Variants in PEX7 observed in about 807,000 individuals in gnomAD.
PEX7 encodes PTS2 receptor.
In PEX7, 34 loss-of-function variants were observed where a neutral mutation model predicts 47.5. That is an observed-to-expected ratio of 0.72 (90% confidence interval 0.54 to 0.95). The LOEUF is 0.95. PEX7 is among the 40% of genes least tolerant of loss of function. The probability of loss-of-function intolerance (pLI) is 0.00; values close to 1 mark genes in which losing one functional copy is unlikely to be tolerated. For synonymous variants in PEX7, 141 were observed against 148.8 expected (o/e 0.95, Z 0.38); for missense variants, 394 against 400.3 (o/e 0.98, Z 0.13).
In PEX7 at chr6:136,872,261, GGT is replaced by G. The variant is rs2115229196; in HGVS notation, c.803+9_803+10del. On this transcript the variant is annotated intron_variant, in intron 8 of 9. Coordinates refer to ENST00000318471, the MANE Select transcript of PEX7 (RefSeq NM_000288.4). ...GTATGATTTTACTGTAAGGTACAGTGGTTTTTAATACATTTCATTGTGAAATA... is the reference window on the plus strand; with the variant it reads ...GTATGATTTTACTGTAAGGTACAGTGTTTTAATACATTTCATTGTGAAATA... 1.9e-6 allele frequency: 3 copies of G among 1,603,426 alleles called. No homozygotes were observed. The East Asian group carries it at 6.7e-5, about 36-fold the overall frequency.
chr6:136,855,379 C>A (rs1273564722), intron 5 of PEX7, among the ~76,000 whole-genome samples: 1 of 149,540 alleles, frequency 6.7e-6, no homozygotes, highest in Non-Finnish European at 1.5e-5. Flanking sequence ...AGTCTCTGTC[C>A]CCCAGGCTGG....
In PEX7 at chr6:136,911,682, C is replaced by T. The variant is rs544114404; in HGVS notation, c.904-1776C>T. Among the ~76,000 whole-genome samples the T allele has an allele frequency of 1.2e-3, 187 of 150,290 alleles. 2 individuals are homozygous for T. Among genetic ancestry groups the T allele is most frequent in the African/African-American group, 4.3e-3 (175 of 40,862 alleles). On this transcript the variant is annotated intron_variant, in intron 9 of 9. Coordinates refer to ENST00000318471, the MANE Select transcript of PEX7 (RefSeq NM_000288.4). ...TCAGCCTCCTAAAATGCTGGGATTA[C>T]AGGTATGAACCACTTTGCCCAGCCT... is the stretch of plus-strand genomic sequence containing the variant.
chr6:136,893,920 C>T (rs1389913671), intron 8 of PEX7, among the ~76,000 whole-genome samples: 1 of 152,196 alleles, frequency 6.6e-6, no homozygotes. Context: ...GCTGAATTCA[C>T]CTGTTGGCTA....
At position 136,825,333 on chromosome 6, in the gene PEX7, G is replaced by A. The variant is rs1582732118; in HGVS notation, c.188+62G>A. ...GCTATTAAAGCCTTAATAGAATTAG[G>A]TTTTGACTCTTTGATTAATGTTTTA... is the stretch of plus-strand genomic sequence containing the variant. On this transcript the variant is annotated intron_variant, in intron 2 of 9. Coordinates refer to ENST00000318471, the MANE Select transcript of PEX7 (RefSeq NM_000288.4). 7 of 1,316,716 alleles carry A rather than the reference G, an allele frequency of 5.3e-6. No individual in the cohort carries two copies. The East Asian group carries it at 1.6e-4, about 30-fold the overall frequency. The allele number at this position is 1,316,716 out of a possible 1,614,324, so 81.6% of individuals were successfully genotyped here.
chr6:136,882,175 C>CTT (rs35653586), intron 8 of PEX7, among the ~76,000 whole-genome samples: 2,300 of 104,260 alleles, frequency 0.022, 56 homozygotes, highest in African/African-American at 0.026. Flanking sequence ...TCTTCTTCTT[C>CTT]TTTTTTTTTT....
At chr6:136,891,472 T>A (rs1235273694) in intron 8 of PEX7, among the ~76,000 whole-genome samples, 1 of 152,216 alleles carries the variant, frequency 6.6e-6, no homozygotes, top group African/African-American at 2.4e-5. Flanking sequence ...TCATGTATTC[T>A]TCATTTAGCA....
At chr6:136,884,976 A>C (rs1342751939) in intron 8 of PEX7, among the ~76,000 whole-genome samples, 1 of 152,138 alleles carries the variant, frequency 6.6e-6, no homozygotes, top group East Asian at 1.9e-4. Flanking sequence ...TTTCCTATAT[A>C]CTGTCCCTTA....
intron 9 of PEX7, among the ~76,000 whole-genome samples, chr6:136,899,815 A>G (rs1408139063): frequency 6.6e-6 from 1 of 152,264 alleles, no homozygotes; most frequent in African/African-American, 2.4e-5. Flanking sequence ...TGAAATAGTG[A>G]TGAGTGAAAT....
chr6:136,854,073 A>G (rs1774811226), intron 5 of PEX7, among the ~76,000 whole-genome samples: 1 of 88,636 alleles, frequency 1.1e-5, no homozygotes, highest in Admixed American at 1.1e-4. Flanking sequence ...TCTGTAACAT[A>G]GTTAACCTTT....
chr6:136,846,868 G>A (rs1030111780), intron 5 of PEX7, among the ~76,000 whole-genome samples: 11 of 152,164 alleles, frequency 7.2e-5, no homozygotes, highest in South Asian at 4.1e-4. Context: ...TAAATGGAAT[G>A]GCTGGGTCAA....
chr6:136,897,993 C>A, intron 8 of PEX7, 149 bp from the exon 9 acceptor site: 1 of 566,726 alleles, frequency 1.8e-6, no homozygotes. Context: ...GGATTTTTTA[C>A]GTAGGGCTTA....
intron 8 of PEX7, among the ~76,000 whole-genome samples, chr6:136,878,317 C>T (rs1775313762): frequency 6.6e-6 from 1 of 152,106 alleles, no homozygotes; most frequent in South Asian, 2.1e-4. Flanking sequence ...GCCTGATTGC[C>T]CTGGCCAGAA....
chr6:136,898,392 C>G, intron 9 of PEX7, 151 bp downstream of exon 9: 1 of 671,084 alleles, frequency 1.5e-6, no homozygotes. Context: ...TAAGAGGTAT[C>G]AAGAAAGTTG....
chr6:136,847,227 G>A (rs887887963), intron 5 of PEX7, among the ~76,000 whole-genome samples: 1 of 152,016 alleles, frequency 6.6e-6, no homozygotes, highest in African/African-American at 2.4e-5. Flanking sequence ...TAAGTTTTTT[G>A]TAGATTCTGG....
chr6:136,831,176 G>T (rs1774286209), intron 3 of PEX7, among the ~76,000 whole-genome samples: 1 of 152,166 alleles, frequency 6.6e-6, no homozygotes, highest in Non-Finnish European at 1.5e-5. Flanking sequence ...CCACATGACT[G>T]GGGAGGCCTC....
At chr6:136,865,815 C>T (rs748567830) in intron 5 of PEX7, among the ~76,000 whole-genome samples, 7 of 151,828 alleles carry the variant, frequency 4.6e-5, no homozygotes, top group Non-Finnish European at 7.4e-5. Flanking sequence ...CCGGGCGCTG[C>T]GGCTCATGCC....
chr6:136,840,668 G>T (rs1774480047), intron 3 of PEX7, among the ~76,000 whole-genome samples: 1 of 152,156 alleles, frequency 6.6e-6, no homozygotes, highest in South Asian at 2.1e-4. Context: ...TAATCTAAGT[G>T]GTAACTTATG....
At chr6:136,842,421 A>G (rs905595859) in intron 3 of PEX7, among the ~76,000 whole-genome samples, 1 of 152,238 alleles carries the variant, frequency 6.6e-6, no homozygotes. Context: ...CAACAATGCC[A>G]TCAGCATGGT....
At chr6:136,853,428 C>T (rs1336442161) in intron 5 of PEX7, among the ~76,000 whole-genome samples, 6 of 151,868 alleles carry the variant, frequency 4.0e-5, no homozygotes, top group African/African-American at 1.5e-4. Flanking sequence ...TTCAGTTATG[C>T]AGCATCCAAA....
Sources: allele counts gnomAD v4.1 joint callset (sites outside exome capture counted in the v4.1 genomes callset), GRCh38; gene constraint gnomAD v4.1.1; transcripts MANE v1.5; gene names NCBI Gene and HGNC (gene_info 2026-07-23, HGNC 2026-07-21).